Variants in LIPJ observed in about 807,000 individuals in gnomAD.
LIPJ encodes lipase member J.
In LIPJ, 33 loss-of-function variants were observed where a neutral mutation model predicts 39.8. That is an observed-to-expected ratio of 0.83 (90% CI 0.63 to 1.11). LIPJ has a LOEUF of 1.11. LIPJ is among the 50% of genes least tolerant of loss of function. The probability of loss-of-function intolerance (pLI) is 0.00; values close to 1 mark genes in which losing one functional copy is unlikely to be tolerated. For missense variants in LIPJ, 422 were observed against 427.9 expected (o/e 0.99, Z 0.12); for synonymous variants, 128 against 139.2 (o/e 0.92, Z 0.57).
At chr10:88,595,507 A>T (rs1369458649) in intron 6 of LIPJ, among the ~76,000 whole-genome samples, 3 of 151,646 alleles carry the variant, frequency 2.0e-5, no homozygotes, top group South Asian at 2.1e-4. Flanking sequence ...TTTTGTATAG[A>T]TCTTTTCTCT....
At chr10:88,619,209 TA>T in the LIPJ span, among the ~76,000 whole-genome samples, 7,225 of 128,092 alleles carry the variant, frequency 0.056, 206 homozygotes, top group Middle Eastern at 0.088. Context: ...TTGCTACTGC[TA>T]AAAAAAAAAA....
the LIPJ span, among the ~76,000 whole-genome samples, chr10:88,613,460 G>A: frequency 1.1e-4 from 16 of 152,038 alleles, no homozygotes; most frequent in Admixed American, 1.3e-4. Context: ...GGTAAAAAGA[G>A]ATTGAGTTAT....
intron 10 of LIPJ, 76 bp from the exon 11 acceptor site, chr10:88,606,597 AT>A: frequency 1.2e-6 from 1 of 812,702 alleles, no homozygotes; most frequent in Non-Finnish European, 2.0e-6. Context: ...TAAACTCATC[AT>A]TTTAACAATT....
At chr10:88,586,526 T>C (rs1046058689), upstream of LIPJ, among the ~76,000 whole-genome samples, 3 of 152,208 alleles carry the variant, frequency 2.0e-5, no homozygotes, top group Non-Finnish European at 2.9e-5. Flanking sequence ...AGAGGTCTTC[T>C]CTAACCACTT....
chr10:88,606,854 G>A (rs773284885), exon 11 of LIPJ: 3 of 1,600,622 alleles, frequency 1.9e-6, no homozygotes, highest in Middle Eastern at 1.7e-4. Flanking sequence ...TGGATTAGAT[G>A]TCTATGATCA....
At chr10:88,621,052 C>T in the LIPJ span, among the ~76,000 whole-genome samples, 1,118 of 152,242 alleles carry the variant, frequency 7.3e-3, 28 homozygotes, top group South Asian at 0.083. Flanking sequence ...ACCTTACAAA[C>T]GCCCCACGTC....
chr10:88,623,002 T>G, the LIPJ span, among the ~76,000 whole-genome samples: 5 of 152,262 alleles, frequency 3.3e-5, no homozygotes, highest in South Asian at 1.0e-3. Flanking sequence ...ATTGAGATAA[T>G]ATCAACAATT....
At chr10:88,588,026 A>T (rs1158215662) in intron 2 of LIPJ, among the ~76,000 whole-genome samples, 2 of 152,004 alleles carry the variant, frequency 1.3e-5, no homozygotes, top group Non-Finnish European at 2.9e-5. Context: ...TGTATAAAAG[A>T]TCTTAATTCT....
intron 6 of LIPJ, among the ~76,000 whole-genome samples, chr10:88,595,334 G>T (rs1424428437): frequency 2.0e-5 from 3 of 151,626 alleles, no homozygotes; most frequent in Admixed American, 6.6e-5. Flanking sequence ...TAATTCTCTT[G>T]CATGGTACTG....
intron 10 of LIPJ, 38 bp from the exon 11 acceptor site, chr10:88,606,636 C>A: frequency 8.0e-7 from 1 of 1,249,500 alleles, no homozygotes; most frequent in Non-Finnish European, 1.2e-6. Context: ...ACTGTATCAT[C>A]TCCTATGAAA....
chr10:88,609,060 A>C (rs1213432423), downstream of LIPJ, among the ~76,000 whole-genome samples: 1 of 152,120 alleles, frequency 6.6e-6, no homozygotes, highest in Non-Finnish European at 1.5e-5. Context: ...CCCCCTGTGG[A>C]GTATACTTTT....
At chr10:88,592,341 T>G (rs951360717) in intron 4 of LIPJ, 1 of 151,846 alleles carries the variant, frequency 6.6e-6, no homozygotes, top group African/African-American at 2.4e-5. Flanking sequence ...ATGACCTCAT[T>G]TTACAAGTAC....
At chr10:88,598,009 C>T (rs1306750822) in intron 8 of LIPJ, among the ~76,000 whole-genome samples, 1 of 151,918 alleles carries the variant, frequency 6.6e-6, no homozygotes, top group Non-Finnish European at 1.5e-5. Context: ...GTTTTCTAGC[C>T]TCCAAAACTG....
chr10:88,622,936 A>G, the LIPJ span, among the ~76,000 whole-genome samples: 2 of 152,310 alleles, frequency 1.3e-5, no homozygotes, highest in Non-Finnish European at 2.9e-5. Context: ...GGCTTAGATC[A>G]TGATTCAAAT....
downstream of LIPJ, among the ~76,000 whole-genome samples, chr10:88,609,361 T>C (rs1021005000): frequency 2.0e-5 from 3 of 152,358 alleles, no homozygotes; most frequent in East Asian, 5.8e-4. Flanking sequence ...TTTAGAGATA[T>C]CTTTTTAAAG....
chr10:88,606,917 G>C, exon 11 of LIPJ: 1 of 1,476,642 alleles, frequency 6.8e-7, no homozygotes, highest in East Asian at 2.4e-5. Flanking sequence ...AAGAACCATG[G>C]CGCTGTGTGT....
upstream of LIPJ, chr10:88,583,227 G>T (rs141846403): frequency 2.1e-5 from 34 of 1,610,382 alleles, no homozygotes; most frequent in African/African-American, 4.1e-4. Context: ...GAGTCTCTGC[G>T]GCGGGGCCGT....
At chr10:88,597,253 A>G (rs938912075) in intron 8 of LIPJ, among the ~76,000 whole-genome samples, 2 of 151,654 alleles carry the variant, frequency 1.3e-5, no homozygotes, top group African/African-American at 4.8e-5. Context: ...GTCCTCTTCT[A>G]TTCATTTGTT....
At chr10:88,583,042 T>C (rs1348333170), upstream of LIPJ, 2 of 1,602,666 alleles carry the variant, frequency 1.2e-6, no homozygotes, top group East Asian at 2.3e-5. Context: ...GCAGTCCTCT[T>C]TTCCCAGGTT....
Sources: allele counts gnomAD v4.1 joint callset (sites outside exome capture counted in the v4.1 genomes callset), GRCh38; gene constraint gnomAD v4.1.1; transcripts MANE v1.5; gene names NCBI Gene and HGNC (gene_info 2026-07-23, HGNC 2026-07-21).